PDE4B: variants seen among roughly 807,000 people sequenced by gnomAD.
PDE4B encodes phosphodiesterase 4B, also known as 3',5'-cyclic-AMP phosphodiesterase 4B.
A neutral mutation model predicts 82.2 loss-of-function variants in PDE4B; 20 were observed. That is an observed-to-expected ratio of 0.24 (90% confidence interval 0.17 to 0.35). The LOEUF is 0.35. Among genes scored for constraint, PDE4B ranks in the 10% least tolerant of loss-of-function variants. The probability of loss-of-function intolerance (pLI) is 1.00; values close to 1 mark genes in which losing one functional copy is unlikely to be tolerated. For missense variants in PDE4B, 655 were observed against 907.2 expected, an observed-to-expected ratio of 0.72 and a Z score of 3.57; for synonymous variants, 320 against 318.9, an observed-to-expected ratio of 1.00 and a Z score of -0.04.
At chr1:66,105,016 T>G (rs1451428494) in intron 3 of PDE4B, among the ~76,000 whole-genome samples, 2 of 152,122 alleles carry the variant, frequency 1.3e-5, no homozygotes, top group Admixed American at 6.6e-5. Flanking sequence ...TCCTTGCCCA[T>G]GCCTGTGTTC....
intron 2 of PDE4B, among the ~76,000 whole-genome samples, chr1:65,916,944 G>T (rs1404851584): frequency 6.6e-6 from 1 of 152,010 alleles, no homozygotes; most frequent in Non-Finnish European, 1.5e-5. Context: ...CAAATAAATA[G>T]TATTTTAAAA....
rs77263121 is a variant in PDE4B, at chr1:66,262,866, T to C, written c.585-3172T>C. Reference sequence around the variant, plus strand: ...AACTTCTGAGACAAAAGAATTTGTATAGTATGAGTAATTTCCAAGAAGTCA... The same window carrying C: ...AACTTCTGAGACAAAAGAATTTGTACAGTATGAGTAATTTCCAAGAAGTCA... On this transcript the variant is annotated intron_variant, in intron 6 of 16. Transcript: ENST00000341517. Among the ~76,000 whole-genome samples, 465 of 152,272 alleles carry C rather than the reference T, an allele frequency of 3.1e-3. 1 individual carries two copies. Among genetic ancestry groups the C allele is most frequent in the African/African-American group, 0.011 (444 of 41,538 alleles).
intron 3 of PDE4B, among the ~76,000 whole-genome samples, chr1:65,940,166 G>T (rs770359780): frequency 6.6e-6 from 1 of 152,212 alleles, no homozygotes; most frequent in African/African-American, 2.4e-5. Flanking sequence ...AATAATAAAT[G>T]GCAGTTATTG....
At chr1:66,343,221 C>G (rs1321620205) in intron 8 of PDE4B, among the ~76,000 whole-genome samples, 9 of 152,108 alleles carry the variant, frequency 5.9e-5, no homozygotes, top group Admixed American at 5.9e-4. Context: ...TTGATTAAAA[C>G]AGTGGACTTC....
chr1:66,210,509 T>G (rs1649938020), intron 3 of PDE4B, among the ~76,000 whole-genome samples: 1 of 141,078 alleles, frequency 7.1e-6, no homozygotes, highest in African/African-American at 2.7e-5. Context: ...GGCAGGAGAA[T>G]CGCTTGAACC....
chr1:66,350,734 G>C (rs1012151062), intron 8 of PDE4B, among the ~76,000 whole-genome samples: 4 of 152,082 alleles, frequency 2.6e-5, no homozygotes, highest in African/African-American at 9.7e-5. Context: ...TGCCTATCTT[G>C]CCTGCGGATC....
intron 7 of PDE4B, among the ~76,000 whole-genome samples, chr1:66,323,192 G>T (rs1309156606): frequency 6.6e-6 from 1 of 152,070 alleles, no homozygotes; most frequent in African/African-American, 2.4e-5. Flanking sequence ...TATATAACTT[G>T]ATCTAGCTTC....
At chr1:65,857,376 C>T (rs1371576221) in intron 1 of PDE4B, among the ~76,000 whole-genome samples, 1 of 152,176 alleles carries the variant, frequency 6.6e-6, no homozygotes, top group East Asian at 1.9e-4. Context: ...GATTCCACCT[C>T]AGGAATGTTT....
chr1:65,839,323 G>A (rs1444683926), intron 1 of PDE4B, among the ~76,000 whole-genome samples: 2 of 151,708 alleles, frequency 1.3e-5, no homozygotes, highest in African/African-American at 4.8e-5. Flanking sequence ...AGAACATGCA[G>A]GTTTCTTAGA....
At chr1:65,958,619 C>T (rs531556816) in intron 3 of PDE4B, among the ~76,000 whole-genome samples, 3 of 151,922 alleles carry the variant, frequency 2.0e-5, no homozygotes, top group African/African-American at 4.8e-5. Flanking sequence ...AACTGTGATT[C>T]GTTTTTAACC....
chr1:66,151,750 G>T (rs1646398590), intron 3 of PDE4B, among the ~76,000 whole-genome samples: 1 of 152,102 alleles, frequency 6.6e-6, no homozygotes, highest in African/African-American at 2.4e-5. Flanking sequence ...TCTTTTGATG[G>T]CAGGCACCAT....
Position 66,219,349 on chromosome 1 carries a change from A to G in PDE4B, c.282-28111A>G, listed in dbSNP as rs186314418. ...TTACTTTGTGCCATAGAAGTTTCAC[A>G]GAGGTTGAAACTTATTAGTAAATCA... On this transcript the variant is annotated intron_variant, in intron 3 of 16. Coordinates refer to ENST00000341517, the MANE Select transcript of PDE4B (RefSeq NM_002600.4). Among the ~76,000 whole-genome samples the G allele has an allele frequency of 3.7e-3, 570 of 152,290 alleles. 1 individual carries two copies. The highest frequency in any genetic ancestry group is 5.5e-3 in the Non-Finnish European group (372 of 68,010).
chr1:66,026,350 GCTAACATTGTGCCTCATGTCCT>G (rs1443475067), intron 3 of PDE4B, among the ~76,000 whole-genome samples: 1 of 152,132 alleles, frequency 6.6e-6, no homozygotes, highest in Non-Finnish European at 1.5e-5. Context: ...TCTATGTCTA[GCTAACATTGTGCCTCATGTCCT>G]CTATTATCCC....
At chr1:66,152,089 C>G (rs1049208515) in intron 3 of PDE4B, among the ~76,000 whole-genome samples, 1 of 152,180 alleles carries the variant, frequency 6.6e-6, no homozygotes. Context: ...GTTTAGATGA[C>G]ATCTTTTAAG....
chr1:66,035,994 C>T (rs1654039506), intron 3 of PDE4B, among the ~76,000 whole-genome samples: 2 of 152,080 alleles, frequency 1.3e-5, no homozygotes, highest in Admixed American at 1.3e-4. Context: ...TTTCCACATC[C>T]TTAACAACAT....
At chr1:65,876,088 T>A (rs1043202818) in intron 1 of PDE4B, among the ~76,000 whole-genome samples, 10 of 152,106 alleles carry the variant, frequency 6.6e-5, no homozygotes, top group African/African-American at 2.4e-4. Context: ...GGGCGGAAGT[T>A]TTTTTAGAAT....
intron 3 of PDE4B, among the ~76,000 whole-genome samples, chr1:66,019,643 G>T (rs1455672291): frequency 1.3e-5 from 2 of 152,032 alleles, no homozygotes; most frequent in South Asian, 2.1e-4. Context: ...ATGAGCCACC[G>T]TGCCCAGACT....
At chr1:66,039,240 C>T (rs1654231896) in intron 3 of PDE4B, among the ~76,000 whole-genome samples, 1 of 151,996 alleles carries the variant, frequency 6.6e-6, no homozygotes, top group African/African-American at 2.4e-5. Context: ...AGAGAATCAA[C>T]ATTTGCATTT....
intron 3 of PDE4B, among the ~76,000 whole-genome samples, chr1:66,145,561 AC>A (rs1646252819): frequency 1.3e-5 from 2 of 152,098 alleles, no homozygotes; most frequent in African/African-American, 4.8e-5. Flanking sequence ...GGATAAGGGC[AC>A]CCCATCATTT....
Sources: gnomAD v4.1 joint callset for allele counts (sites outside exome capture counted in the v4.1 genomes callset) on GRCh38, gnomAD v4.1.1 for gene constraint, MANE v1.5 for transcripts, NCBI Gene and HGNC (gene_info 2026-07-23, HGNC 2026-07-21) for gene names.